The following GNAI3 variants were observed in gnomAD, a reference collection of about 807,000 sequenced individuals.
The protein encoded by GNAI3 is guanine nucleotide-binding protein G(i) subunit alpha-3.
In GNAI3, 12 loss-of-function variants were observed where a neutral mutation model predicts 41.8. The observed-to-expected ratio is 0.29, with a 90% confidence interval of 0.18 to 0.47. The LOEUF is 0.47. Ranked by LOEUF, GNAI3 falls within the 20% of genes least tolerant of loss-of-function variation. The probability of loss-of-function intolerance (pLI) is 1.00; values close to 1 mark genes in which losing one functional copy is unlikely to be tolerated. For missense variants in GNAI3, 360 were observed against 429.6 expected, an observed-to-expected ratio of 0.84 and a Z score of 1.43; for synonymous variants, 132 against 146.5, an observed-to-expected ratio of 0.90 and a Z score of 0.71.
At chr1:109,584,611 C>T (rs977908817) in intron 5 of GNAI3, among the ~76,000 whole-genome samples, 2 of 152,206 alleles carry the variant, frequency 1.3e-5, no homozygotes, top group Non-Finnish European at 2.9e-5. Flanking sequence ...TCCTTTTCCT[C>T]TTCTCTCTAG....
In GNAI3 at chr1:109,559,406, C is replaced by T. The variant is rs75120245; in HGVS notation, c.118+10568C>T. On this transcript the variant is annotated intron_variant, in intron 1 of 8. Transcript: ENST00000369851. ...GAGAATGAAAACTGAGAGATTAGTC[C>T]TTATCACTGAGCTTCATTTTCCTTT... 6.9e-4 allele frequency among the ~76,000 whole-genome samples: 105 copies of T among 152,214 alleles called. No individual in the cohort carries two copies. In the East Asian group the frequency reaches 0.02, roughly 29 times the overall value.
Position 109,594,750 on chromosome 1 carries a change from T to G in GNAI3, c.*2428T>G, listed in dbSNP as rs182621710. 6.6e-6 allele frequency: 1 copy of G among 151,208 alleles called. No homozygotes were observed. The highest frequency in any genetic ancestry group is 6.6e-5 in the Admixed American group (1 of 15,072). The allele number at this position is 151,208 out of a possible 1,614,324, so 9.4% of individuals were successfully genotyped here. On this transcript the variant is annotated 3_prime_UTR_variant, in exon 9 of 9. Transcript: ENST00000369851. The stretch of plus-strand genomic sequence containing the variant: ...TTATTGCAAGCTCTGCCTCCCGGGT[T>G]CATGCTATTCTCCTGCTGGGACTAC...
At position 109,598,302 on chromosome 1, in the gene GNAI3, A is replaced by G. The variant is rs1289074119; in HGVS notation, c.*5980A>G. The G allele has an allele frequency of 6.6e-6, 1 of 152,248 alleles. No homozygotes were observed. The highest frequency in any genetic ancestry group is 2.4e-5 in the African/African-American group (1 of 41,452). The allele number at this position is 152,248 out of a possible 1,614,324, so 9.4% of individuals were successfully genotyped here. Reference sequence around the variant, plus strand: ...TCCTGAGACCTCTCAGAATCTTACGAGGTTGGAGAGTTGTTTGGAATGCTG... The same window carrying G: ...TCCTGAGACCTCTCAGAATCTTACGGGGTTGGAGAGTTGTTTGGAATGCTG... On this transcript the variant is annotated 3_prime_UTR_variant, in exon 9 of 9. Transcript: ENST00000369851.
intron 5 of GNAI3, among the ~76,000 whole-genome samples, chr1:109,582,815 T>TA (rs1392659241): frequency 6.6e-6 from 1 of 152,234 alleles, no homozygotes; most frequent in African/African-American, 2.4e-5. Context: ...TGCCTCCCAG[T>TA]AAAATTTTTC....
At position 109,598,950 on chromosome 1, in the gene GNAI3, T is replaced by C; in HGVS notation, c.*6628T>C. The C allele has an allele frequency of 3.7e-6, 2 of 534,820 alleles. No individual in the cohort carries two copies. The highest frequency in any genetic ancestry group is 1.4e-5 in the South Asian group (1 of 71,814). 33.1% of individuals were successfully genotyped at this position (534,820 alleles called of 1,614,324 possible). A position where few individuals can be genotyped will look rare whatever the true frequency, so the allele number is the denominator to read the frequency against. On this transcript the variant is annotated 3_prime_UTR_variant, in exon 9 of 9. Coordinates refer to ENST00000369851, the MANE Select transcript of GNAI3 (RefSeq NM_006496.4). ...AAGAGCTCTTCACCCTTCACCACCT[T>C]CTCCACCCAGCATGGCCGGCACACT...
rs902412632 is a variant in GNAI3 at position 109,551,888 on chromosome 1, G to A, written c.118+3050G>A. On this transcript the variant is annotated intron_variant, in intron 1 of 8. Transcript: ENST00000369851. ...TAGATGTTCTTGGAAAGGGCTGGGC[G>A]TGGTGGCTCCTGGCTGTAATCCCAT... Among the ~76,000 whole-genome samples the A allele has an allele frequency of 4.6e-5, 7 of 152,116 alleles. No individual in the cohort carries two copies. The East Asian group carries it at 1.2e-3, about 25-fold the overall frequency.
At chr1:109,558,641 C>T (rs893640080) in intron 1 of GNAI3, among the ~76,000 whole-genome samples, 4 of 152,070 alleles carry the variant, frequency 2.6e-5, no homozygotes, top group Middle Eastern at 3.4e-3. Context: ...AATTTTTCCT[C>T]TTACTACTTT....
intron 1 of GNAI3, among the ~76,000 whole-genome samples, chr1:109,558,413 ACT>A (rs1003622306): frequency 1.1e-4 from 16 of 152,210 alleles, no homozygotes; most frequent in African/African-American, 3.6e-4. Context: ...ACAGAGTGAG[ACT>A]CTGTCTCAAA....
intron 1 of GNAI3, among the ~76,000 whole-genome samples, chr1:109,554,995 A>G (rs994478742): frequency 1.3e-5 from 2 of 152,254 alleles, no homozygotes; most frequent in African/African-American, 4.8e-5. Context: ...CACCTCTACA[A>G]GGAAAACTAC....
intron 7 of GNAI3, chr1:109,591,676 G>T: frequency 2.4e-6 from 1 of 408,218 alleles, no homozygotes; most frequent in Non-Finnish European, 4.4e-6. Context: ...ATCACTCCAA[G>T]GAACACAGCC....
chr1:109,586,357 C>T lies in GNAI3; in HGVS notation c.720+12C>T. The T allele has an allele frequency of 3.7e-6, 6 of 1,605,894 alleles. No homozygotes were observed. Among genetic ancestry groups the T allele is most frequent in the Non-Finnish European group, 5.1e-6 (6 of 1,176,118 alleles). ...AGGACGAGGAGATGGTATGTTGGAG[C>T]TTCTGGTAAAAAGCCTGTCTAATGT... On this transcript the variant is annotated intron_variant, in intron 6 of 8. Coordinates refer to ENST00000369851, the MANE Select transcript of GNAI3 (RefSeq NM_006496.4).
chr1:109,548,978 G>A (rs1051037814), intron 1 of GNAI3, 140 bp downstream of exon 1: 3 of 621,202 alleles, frequency 4.8e-6, no homozygotes, highest in Non-Finnish European at 8.8e-6. Flanking sequence ...GGGGTGTTGG[G>A]GTTCCTAGCT....
At chr1:109,570,280 T>C (rs1366860304) in intron 1 of GNAI3, among the ~76,000 whole-genome samples, 1 of 152,224 alleles carries the variant, frequency 6.6e-6, no homozygotes, top group Non-Finnish European at 1.5e-5. Context: ...TTTTTATATT[T>C]GGATTTTAAT....
intron 1 of GNAI3, among the ~76,000 whole-genome samples, chr1:109,562,424 G>C (rs941719209): frequency 2.6e-5 from 4 of 152,114 alleles, no homozygotes; most frequent in African/African-American, 9.7e-5. Context: ...CGGATACCAA[G>C]GTATGTGTGT....
chr1:109,552,918 C>T (rs1648028957), intron 1 of GNAI3, among the ~76,000 whole-genome samples: 2 of 152,116 alleles, frequency 1.3e-5, no homozygotes, highest in South Asian at 4.1e-4. Context: ...CACTTATTAG[C>T]TCTGAGACCC....
chr1:109,592,647 T>C lies in GNAI3; in HGVS notation c.*325T>C, dbSNP rs769887193. On this transcript the variant is annotated 3_prime_UTR_variant, in exon 9 of 9. Transcript: ENST00000369851. ...ACTTCAATATGTAGCTTACTCTTTT[T>C]TTCCCCCCTTCTTAAACCACCAGTG... is the stretch of plus-strand genomic sequence containing the variant. 1 of 154,290 alleles carries C rather than the reference T, an allele frequency of 6.5e-6. No individual in the cohort carries two copies. The highest frequency in any genetic ancestry group is 1.4e-5 in the Non-Finnish European group (1 of 69,230). 9.6% of individuals were successfully genotyped at this position (154,290 alleles called of 1,614,324 possible). A position where few individuals can be genotyped will look rare whatever the true frequency, so the allele number is the denominator to read the frequency against.
At chr1:109,571,403 A>G (rs1382246179) in intron 1 of GNAI3, among the ~76,000 whole-genome samples, 1 of 152,204 alleles carries the variant, frequency 6.6e-6, no homozygotes, top group East Asian at 1.9e-4. Context: ...TGTGAATGCA[A>G]ATTTCAGTTC....
chr1:109,548,888 C>T lies in GNAI3; in HGVS notation c.118+50C>T, dbSNP rs751582902. Reference sequence around the variant, plus strand: ...AGTGGTGGTCGGGAGAGCCTAGGCGCTTGGAAGGCCTGAACGGGGTCTGGT... The same window carrying T: ...AGTGGTGGTCGGGAGAGCCTAGGCGTTTGGAAGGCCTGAACGGGGTCTGGT... On this transcript the variant is annotated intron_variant, in intron 1 of 8. Transcript: ENST00000369851. 3.7e-5 allele frequency: 45 copies of T among 1,214,926 alleles called. No individual in the cohort carries two copies. In the African/African-American group the frequency reaches 5.9e-4, roughly 16 times the overall value. 75.3% of individuals were successfully genotyped at this position (1,214,926 alleles called of 1,614,324 possible). A position where few individuals can be genotyped will look rare whatever the true frequency, so the allele number is the denominator to read the frequency against.
rs989304722 is a variant in GNAI3, at chr1:109,593,829, G to A, written c.*1507G>A. 1 of 152,576 alleles carries A rather than the reference G, an allele frequency of 6.6e-6. No individual in the cohort carries two copies. The highest frequency in any genetic ancestry group is 1.5e-5 in the Non-Finnish European group (1 of 68,034). The allele number at this position is 152,576 out of a possible 1,614,324, so 9.5% of individuals were successfully genotyped here. On this transcript the variant is annotated 3_prime_UTR_variant, in exon 9 of 9. Coordinates refer to ENST00000369851, the MANE Select transcript of GNAI3 (RefSeq NM_006496.4). ...TTAAATATTGAATGCTCTATTGGGG[G>A]AAGACAAATGAAGAGAATGCATTTT...
Sources: gnomAD v4.1 joint callset for allele counts (sites outside exome capture counted in the v4.1 genomes callset) on GRCh38, gnomAD v4.1.1 for gene constraint, MANE v1.5 for transcripts, NCBI Gene and HGNC (gene_info 2026-07-23, HGNC 2026-07-21) for gene names.